LINGO2: variants seen among roughly 807,000 people sequenced by gnomAD.
LINGO2 encodes the protein leucine rich repeat and Ig domain containing 2, also known as leucine-rich repeat and immunoglobulin-like domain-containing nogo receptor-interacting protein 2.
In LINGO2, 14 loss-of-function variants were observed where a neutral mutation model predicts 30.6. That is an observed-to-expected ratio of 0.46 (90% CI 0.30 to 0.72). The LOEUF is 0.72. LINGO2 is among the 30% of genes least tolerant of loss of function. The pLI, the probability that LINGO2 is intolerant of heterozygous loss-of-function variation, is 0.07. For missense variants in LINGO2, 729 were observed against 751.7 expected, an observed-to-expected ratio of 0.97 and a Z score of 0.35; for synonymous variants, 317 against 288.5, an observed-to-expected ratio of 1.10 and a Z score of -1.00.
At chr9:29,031,207 T>C in the LINGO2 span, among the ~76,000 whole-genome samples, 9 of 152,096 alleles carry the variant, frequency 5.9e-5, no homozygotes, top group Non-Finnish European at 1.2e-4. Flanking sequence ...TTTTCATGTT[T>C]GGTTCATATC....
the LINGO2 span, among the ~76,000 whole-genome samples, chr9:29,114,475 C>G: frequency 6.6e-6 from 1 of 150,530 alleles, no homozygotes; most frequent in Admixed American, 6.6e-5. Context: ...CATATGTATA[C>G]ATGTACCATG....
chr9:28,744,042 T>A, the LINGO2 span, among the ~76,000 whole-genome samples: 5 of 151,230 alleles, frequency 3.3e-5, no homozygotes, highest in Non-Finnish European at 7.4e-5. Context: ...TGATTTATCT[T>A]CAAGCTCAAT....
chr9:28,146,438 T>C (rs1026197522), intron 4 of LINGO2, among the ~76,000 whole-genome samples: 8 of 152,276 alleles, frequency 5.3e-5, no homozygotes, highest in African/African-American at 1.4e-4. Flanking sequence ...CAAATATTGA[T>C]TGTGGTTTGG....
At chr9:28,932,965 G>A in the LINGO2 span, among the ~76,000 whole-genome samples, 1 of 151,856 alleles carries the variant, frequency 6.6e-6, no homozygotes, top group Non-Finnish European at 1.5e-5. Flanking sequence ...GGAATGCAGT[G>A]GTGTGATTTC....
At chr9:28,315,405 G>GA (rs11285660) in intron 3 of LINGO2, among the ~76,000 whole-genome samples, 35,826 of 141,318 alleles carry the variant, frequency 0.25, 4,578 homozygotes, top group Non-Finnish European at 0.31. Context: ...CCGTCTCGGG[G>GA]AAAAAAAAAA....
chr9:29,123,206 T>G, the LINGO2 span, among the ~76,000 whole-genome samples: 1 of 152,062 alleles, frequency 6.6e-6, no homozygotes, highest in Non-Finnish European at 1.5e-5. Context: ...TAATTTACAA[T>G]CAATGAAACA....
chr9:28,164,520 T>A (rs1351208262), intron 4 of LINGO2, among the ~76,000 whole-genome samples: 1 of 152,142 alleles, frequency 6.6e-6, no homozygotes, highest in African/African-American at 2.4e-5. Flanking sequence ...GCTAGAAAGG[T>A]AATCCAGGTT....
At chr9:28,679,490 G>C in the LINGO2 span, among the ~76,000 whole-genome samples, 4 of 152,020 alleles carry the variant, frequency 2.6e-5, no homozygotes, top group African/African-American at 9.7e-5. Flanking sequence ...TAAGATTCCA[G>C]ATACCTAGAG....
chr9:28,957,700 T>C, the LINGO2 span, among the ~76,000 whole-genome samples: 2 of 152,152 alleles, frequency 1.3e-5, no homozygotes. Context: ...GTTTTGATTG[T>C]TTATATCACT....
chr9:28,965,735 T>A, the LINGO2 span, among the ~76,000 whole-genome samples: 1 of 152,124 alleles, frequency 6.6e-6, no homozygotes, highest in East Asian at 1.9e-4. Context: ...CTATCTTTAA[T>A]CTTTATGACA....
chr9:29,019,957 G>A, the LINGO2 span, among the ~76,000 whole-genome samples: 3 of 151,992 alleles, frequency 2.0e-5, no homozygotes, highest in African/African-American at 7.2e-5. Flanking sequence ...TAAAAATCCT[G>A]GAGAAAGAAT....
chr9:28,581,243 C>G (rs945647453), intron 1 of LINGO2, among the ~76,000 whole-genome samples: 7 of 150,338 alleles, frequency 4.7e-5, no homozygotes, highest in African/African-American at 2.4e-5. Context: ...TTGTGTGCCT[C>G]TGTGTGTGTG....
intron 4 of LINGO2, among the ~76,000 whole-genome samples, chr9:28,273,668 T>C (rs151169923): frequency 1.4e-4 from 22 of 152,296 alleles, no homozygotes; most frequent in African/African-American, 5.1e-4. Context: ...TCAGAGGATA[T>C]TGGGATTGTT....
chr9:28,201,044 T>C (rs1820212827), intron 4 of LINGO2, among the ~76,000 whole-genome samples: 1 of 151,828 alleles, frequency 6.6e-6, no homozygotes, highest in Non-Finnish European at 1.5e-5. Flanking sequence ...ATCATACTGC[T>C]CTCCTTGAGA....
intron 4 of LINGO2, among the ~76,000 whole-genome samples, chr9:28,029,426 A>G (rs1185074832): frequency 1.3e-5 from 2 of 152,198 alleles, no homozygotes; most frequent in African/African-American, 4.8e-5. Context: ...CTCGGTTAAC[A>G]GAAAGGAGAA....
At chr9:28,328,782 A>T (rs548751467) in intron 3 of LINGO2, among the ~76,000 whole-genome samples, 1 of 152,264 alleles carries the variant, frequency 6.6e-6, no homozygotes, top group Admixed American at 6.5e-5. Context: ...GGATTCTTCC[A>T]GTTAACTATT....
chr9:28,684,175 C>CTTTTTTTTTTTTTT, the LINGO2 span, among the ~76,000 whole-genome samples: 1 of 45,438 alleles, frequency 2.2e-5, no homozygotes, highest in African/African-American at 8.7e-5. Flanking sequence ...AAATGTTTAT[C>CTTTTTTTTTTTTTT]TTTTTTTTTT....
At chr9:28,230,476 A>C (rs1821319273) in intron 4 of LINGO2, among the ~76,000 whole-genome samples, 1 of 151,878 alleles carries the variant, frequency 6.6e-6, no homozygotes, top group African/African-American at 2.4e-5. Context: ...TAGCTTTATA[A>C]TTTCATTTGA....
At chr9:28,191,107 T>C (rs1819807557) in intron 4 of LINGO2, among the ~76,000 whole-genome samples, 2 of 152,192 alleles carry the variant, frequency 1.3e-5, no homozygotes, top group Non-Finnish European at 2.9e-5. Context: ...TCCCAAATCA[T>C]ATTTTCCTAG....
Sources: allele counts gnomAD v4.1 joint callset (sites outside exome capture counted in the v4.1 genomes callset), GRCh38; gene constraint gnomAD v4.1.1; transcripts MANE v1.5; gene names NCBI Gene and HGNC (gene_info 2026-07-23, HGNC 2026-07-21).